Variants in PARP4 observed in about 807,000 individuals in gnomAD.
PARP4 encodes protein mono-ADP-ribosyltransferase PARP4.
PARP4 carries 120 observed loss-of-function variants against 187.7 expected under a neutral mutation model. That is an observed-to-expected ratio of 0.64 (90% CI 0.55 to 0.74). PARP4 has a LOEUF of 0.74. Among genes scored for constraint, PARP4 ranks in the 30% least tolerant of loss-of-function variants. The pLI, the probability that PARP4 is intolerant of heterozygous loss-of-function variation, is 0.00. For synonymous variants in PARP4, 654 were observed against 740.9 expected, an observed-to-expected ratio of 0.88 and a Z score of 1.90; for missense variants, 1,836 against 2,070.5, an observed-to-expected ratio of 0.89 and a Z score of 2.20.
Position 24,447,779 on chromosome 13 carries a change from A to G in PARP4, c.3115-593T>C, listed in dbSNP as rs73172126. Among the ~76,000 whole-genome samples, 107 of 152,374 alleles carry G rather than the reference A, an allele frequency of 7.0e-4. 1 individual carries two copies. The highest frequency in any genetic ancestry group is 6.3e-4 in the Non-Finnish European group (43 of 68,042). On this transcript the variant is annotated intron_variant, in intron 25 of 33. Transcript: ENST00000381989. The stretch of plus-strand genomic sequence containing the variant: ...TGAGTAGATTCCAGTACTTGAATAG[A>G]TATTTCTCCAAAGAAGATACACAAA...
chr13:24,476,014 T>C (rs1237156304), intron 14 of PARP4, among the ~76,000 whole-genome samples: 1 of 152,196 alleles, frequency 6.6e-6, no homozygotes, highest in African/African-American at 2.4e-5. Flanking sequence ...CTTGAACTCC[T>C]GGACTCAAGG....
chr13:24,444,889 T>G (rs1871133560), intron 27 of PARP4, among the ~76,000 whole-genome samples: 1 of 152,230 alleles, frequency 6.6e-6, no homozygotes, highest in African/African-American at 2.4e-5. Flanking sequence ...TTAGGAAAGA[T>G]GAACTCCCAG....
rs149664937 is a variant in PARP4, at chr13:24,435,538, A to G, written c.3667-64T>C. 6.4e-4 allele frequency: 947 copies of G among 1,489,612 alleles called. 7 individuals carry two copies. The African/African-American group carries it at 0.012, about 19-fold the overall frequency. The allele number at this position is 1,489,612 out of a possible 1,614,324, so 92.3% of individuals were successfully genotyped here. On this transcript the variant is annotated intron_variant, in intron 30 of 33. Coordinates refer to ENST00000381989, the MANE Select transcript of PARP4 (RefSeq NM_006437.4). ...ACAGAATAAAAAGAACAATCAAGCAAACATTCTTCCTAGCACTTGACTTCC... is the reference window on the plus strand; with the variant it reads ...ACAGAATAAAAAGAACAATCAAGCAGACATTCTTCCTAGCACTTGACTTCC...
chr13:24,469,027 A>G lies in PARP4; in HGVS notation c.2130T>C (p.Ala710=). The change falls in exon 17 of 34, where the codon GCT becomes GCC. Residue 710 remains alanine, a synonymous_variant. Transcript: ENST00000381989. ...CGGCATGCACACCAAGCCATACCGGAGCATCCTGACTCATCAGGTAAGCGC... is the reference window on the plus strand; with the variant it reads ...CGGCATGCACACCAAGCCATACCGGGGCATCCTGACTCATCAGGTAAGCGC... The part of the protein sequence containing the change: ...GHGAYLMSQD[A]PDVFTVSVGN... 1.2e-6 allele frequency: 2 copies of G among 1,610,392 alleles called. No homozygotes were observed. Among genetic ancestry groups the G allele is most frequent in the Non-Finnish European group, 1.7e-6 (2 of 1,176,590 alleles).
At chr13:24,498,543 A>C (rs1364051446) in intron 5 of PARP4, among the ~76,000 whole-genome samples, 1 of 152,192 alleles carries the variant, frequency 6.6e-6, no homozygotes, top group Non-Finnish European at 1.5e-5. Flanking sequence ...TTTTATTAAC[A>C]TATCTCAAAA....
At position 24,469,360 on chromosome 13, in the gene PARP4, T is replaced by G. The variant is rs1431219365; in HGVS notation, c.2047-250A>C. Among the ~76,000 whole-genome samples, 3 of 152,112 alleles carry G rather than the reference T, an allele frequency of 2.0e-5. No individual in the cohort carries two copies. In the East Asian group the frequency reaches 5.8e-4, roughly 29 times the overall value. The stretch of plus-strand genomic sequence containing the variant: ...TTTCAGAATCAATAGTGAAAAAAAT[T>G]TTTCTGGTTGGGAGTTTATGTGGAA... On this transcript the variant is annotated intron_variant, in intron 16 of 33. Transcript: ENST00000381989.
rs548037385 is a variant in PARP4, at chr13:24,481,945, T to C, written c.1448+2708A>G. On this transcript the variant is annotated intron_variant, in intron 12 of 33. Coordinates refer to ENST00000381989, the MANE Select transcript of PARP4 (RefSeq NM_006437.4). ...CTCTGATGGATCTGGACGAAGTAAA[T>C]TGAAAACCTTCTGGAAAGGATTTGC... 1.7e-3 allele frequency among the ~76,000 whole-genome samples: 262 copies of C among 152,372 alleles called. 1 individual carries two copies. The highest frequency in any genetic ancestry group is 3.1e-3 in the Non-Finnish European group (210 of 68,038).
In PARP4 at chr13:24,442,623, T is replaced by A. The variant is rs757829232; in HGVS notation, c.3510A>T (p.Thr1170=). ...CAACTGCCACAAAGCTTGTAAATTG[T>A]GTTATGAGAGAGTTTTCTTTACTGA... is the stretch of plus-strand genomic sequence containing the variant. ...IKLSKENSLI[T]QFTSFVAVEK... is the part of the protein sequence containing the mutation. The change falls in exon 29 of 34, where the codon ACA becomes ACT. Residue 1170 remains threonine (T), a synonymous_variant. Transcript: ENST00000381989. 9.4e-6 allele frequency: 15 copies of A among 1,598,672 alleles called. No individual in the cohort carries two copies. Among genetic ancestry groups the A allele is most frequent in the Non-Finnish European group, 1.0e-5 (12 of 1,166,068 alleles).
intron 13 of PARP4, 104 bp from the exon 14 acceptor site, chr13:24,477,961 G>T: frequency 9.1e-7 from 1 of 1,102,990 alleles, no homozygotes; most frequent in Non-Finnish European, 1.3e-6. Context: ...AGAAAATGTT[G>T]AATTAATTCA....
At chr13:24,470,407 T>G (rs1872681269) in intron 15 of PARP4, among the ~76,000 whole-genome samples, 1 of 152,136 alleles carries the variant, frequency 6.6e-6, no homozygotes, top group South Asian at 2.1e-4. Context: ...TTCTATCCTA[T>G]CAGCTCTCAG....
intron 1 of PARP4, among the ~76,000 whole-genome samples, chr13:24,506,199 G>A (rs555682140): frequency 1.3e-5 from 2 of 151,656 alleles, no homozygotes; most frequent in African/African-American, 2.4e-5. Context: ...CCCTCGCAGT[G>A]AGCGTTACAG....
chr13:24,422,621 T>C (rs1869804074), intron 33 of PARP4, among the ~76,000 whole-genome samples: 1 of 152,224 alleles, frequency 6.6e-6, no homozygotes, highest in Non-Finnish European at 1.5e-5. Context: ...TATTTAATTT[T>C]TTTTTTTAGA....
chr13:24,456,930 A>G (rs1170999939), intron 20 of PARP4, among the ~76,000 whole-genome samples: 1 of 152,078 alleles, frequency 6.6e-6, no homozygotes, highest in Admixed American at 6.6e-5. Context: ...ACAAAACAAA[A>G]AAAACAAAAT....
intron 33 of PARP4, among the ~76,000 whole-genome samples, chr13:24,422,262 T>G (rs539893860): frequency 3.9e-5 from 6 of 152,316 alleles, no homozygotes; most frequent in African/African-American, 1.4e-4. Flanking sequence ...AAACTTAACA[T>G]GCTTACTAGT....
chr13:24,495,670 T>A (rs147514322), intron 6 of PARP4, among the ~76,000 whole-genome samples: 1 of 152,282 alleles, frequency 6.6e-6, no homozygotes, highest in East Asian at 1.9e-4. Context: ...TAGGTGTTGG[T>A]TGAGCCCCTG....
chr13:24,474,241 C>G (rs534143618), intron 15 of PARP4, among the ~76,000 whole-genome samples: 154 of 152,206 alleles, frequency 1.0e-3, no homozygotes, highest in African/African-American at 3.6e-3. Flanking sequence ...CAGGCCTTGG[C>G]GGACTCCATC....
intron 17 of PARP4, among the ~76,000 whole-genome samples, chr13:24,464,203 G>A (rs1872343796): frequency 6.6e-6 from 1 of 152,124 alleles, no homozygotes; most frequent in East Asian, 1.9e-4. Flanking sequence ...AATCAATATC[G>A]TGAAAATGCC....
intron 24 of PARP4, among the ~76,000 whole-genome samples, chr13:24,451,722 G>A (rs1019642919): frequency 5.9e-5 from 9 of 152,220 alleles, no homozygotes; most frequent in Admixed American, 2.0e-4. Context: ...GGATGGGCAA[G>A]TCCTATGCAG....
chr13:24,440,397 CAAAAAAAAAAAAAATTAAAATTAAAAA>C (rs1565991523), intron 30 of PARP4, among the ~76,000 whole-genome samples: 1 of 90,038 alleles, frequency 1.1e-5, no homozygotes, highest in African/African-American at 4.4e-5. Flanking sequence ...GACTCTATCT[CAAAAAAAAAAAAAATTAAAATTAAAAA>C]AAAAAAAAAA....
Sources: allele counts gnomAD v4.1 joint callset (sites outside exome capture counted in the v4.1 genomes callset), GRCh38; gene constraint gnomAD v4.1.1; transcripts MANE v1.5; gene names NCBI Gene and HGNC (gene_info 2026-07-23, HGNC 2026-07-21).